The following MARK3 variants were observed in gnomAD, a reference collection of about 807,000 sequenced individuals.
The protein encoded by MARK3 is MAP/microtubule affinity-regulating kinase 3.
MARK3 carries 46 observed loss-of-function variants against 90.1 expected under a neutral mutation model. That is an observed-to-expected ratio of 0.51 (90% CI 0.40 to 0.65). The LOEUF (loss-of-function observed/expected upper bound fraction) is 0.65, where lower values mean the gene tolerates loss of function less well. MARK3 is among the 30% of genes least tolerant of loss of function. The probability of loss-of-function intolerance (pLI) is 0.00; values close to 1 mark genes in which losing one functional copy is unlikely to be tolerated. For synonymous variants in MARK3, 321 were observed against 332.6 expected (o/e 0.97, Z 0.38); for missense variants, 818 against 947.2 (o/e 0.86, Z 1.79).
rs113395244 is a variant in MARK3, at chr14:103,412,606, G to A, written c.243+7339G>A. The A allele has an allele frequency of 2.0e-4, 198 of 971,960 alleles. 2 individuals carry two copies. The highest frequency in any genetic ancestry group is 6.4e-4 in the East Asian group (18 of 28,136). The allele number at this position is 971,960 out of a possible 1,614,324, so 60.2% of individuals were successfully genotyped here. A position where few individuals can be genotyped will look rare whatever the true frequency, so the allele number is the denominator to read the frequency against. On this transcript the variant is annotated intron_variant, in intron 2 of 17. Transcript: ENST00000429436. ...GACAGGGAGTGGACTTAAGCCTGAC[G>A]GTGCCCGAGAAGCGCTTGTCCTTCT...
chr14:103,451,666 C>T (rs1456407715), intron 4 of MARK3, among the ~76,000 whole-genome samples: 1 of 152,186 alleles, frequency 6.6e-6, no homozygotes, highest in Non-Finnish European at 1.5e-5. Context: ...GTACACCTTG[C>T]TGGACTGCTG....
chr14:103,446,676 A>G (rs2093002889), intron 3 of MARK3, among the ~76,000 whole-genome samples: 2 of 145,340 alleles, frequency 1.4e-5, no homozygotes, highest in Admixed American at 1.4e-4. Context: ...ATCCTGAGCT[A>G]TATTGATATG....
In MARK3 at chr14:103,418,938, C is replaced by T. The variant is rs2092080857; in HGVS notation, c.244-9449C>T. 3.3e-5 allele frequency among the ~76,000 whole-genome samples: 5 copies of T among 152,148 alleles called. No individual in the cohort carries two copies. The South Asian group carries it at 1.0e-3, about 31-fold the overall frequency. ...AATTGTTCATTTCAGTGGTTGTGTA[C>T]AATGCCATTGATGAGAACAGCAGTT... is the stretch of plus-strand genomic sequence containing the variant. On this transcript the variant is annotated intron_variant, in intron 2 of 17. Transcript: ENST00000429436.
Position 103,465,837 on chromosome 14 carries a change from T to C in MARK3, c.777+44T>C, listed in dbSNP as rs762265615. 7 of 1,564,154 alleles carry C rather than the reference T, an allele frequency of 4.5e-6. No individual in the cohort carries two copies. The African/African-American group carries it at 9.6e-5, about 21-fold the overall frequency. ...ATGTACTTCACTAAACTAAAAGAAG[T>C]TTCCTAATATTACATGGCTTAATAT... On this transcript the variant is annotated intron_variant, in intron 8 of 17. Transcript: ENST00000429436.
chr14:103,492,270 G>A (rs2094029679), intron 15 of MARK3, among the ~76,000 whole-genome samples: 1 of 152,058 alleles, frequency 6.6e-6, no homozygotes, highest in African/African-American at 2.4e-5. Context: ...TTTTGTTACT[G>A]TTCTTTAATT....
intron 15 of MARK3, among the ~76,000 whole-genome samples, chr14:103,493,240 CTTTTTTTTTTTTTTTTAA>C (rs1448231294): frequency 5.7e-5 from 7 of 123,160 alleles, no homozygotes; most frequent in Non-Finnish European, 9.6e-5. Context: ...GGGAGTATTC[CTTTTTTTTTTTTTTTTAA>C]TTTTTTTTTT....
chr14:103,439,918 G>A (rs2092809506), intron 3 of MARK3, among the ~76,000 whole-genome samples: 1 of 151,612 alleles, frequency 6.6e-6, no homozygotes, highest in South Asian at 2.1e-4. Flanking sequence ...CAAAGTATCT[G>A]GGATTACAGG....
At chr14:103,476,651 C>G (rs2141791365) in intron 13 of MARK3, among the ~76,000 whole-genome samples, 1 of 152,106 alleles carries the variant, frequency 6.6e-6, no homozygotes, top group East Asian at 1.9e-4. Context: ...CACGTTTTTC[C>G]CTACAAAATT....
intron 16 of MARK3, 127 bp from the exon 17 acceptor site, chr14:103,500,027 GGT>G (rs1388879769): frequency 1.4e-6 from 1 of 732,274 alleles, no homozygotes; most frequent in South Asian, 1.5e-5. Context: ...AAGCCCGGCT[GGT>G]GTTTAAAACG....
chr14:103,387,040 A>G (rs1364463001), intron 1 of MARK3, among the ~76,000 whole-genome samples: 1 of 152,242 alleles, frequency 6.6e-6, no homozygotes, highest in Non-Finnish European at 1.5e-5. Flanking sequence ...TCTGTAAAAC[A>G]TCTAGTAAAT....
intron 4 of MARK3, 110 bp downstream of exon 4, chr14:103,449,077 A>G (rs1316756751): frequency 4.2e-6 from 5 of 1,187,284 alleles, no homozygotes; most frequent in Non-Finnish European, 5.9e-6. Flanking sequence ...AGTAAAATAT[A>G]TATACAAGTT....
rs758716368 is a variant in MARK3, at chr14:103,454,150, C to T, written c.412+2167C>T. Among the ~76,000 whole-genome samples, 8 of 152,130 alleles carry T rather than the reference C, an allele frequency of 5.3e-5. No homozygotes were observed. In the East Asian group the frequency reaches 5.8e-4, roughly 11 times the overall value. ...GTAACATGTGCTGAGCTGAGCTTCACGGTGAGCATAGGAACCCCCTCTGAG... is the reference window on the plus strand; with the variant it reads ...GTAACATGTGCTGAGCTGAGCTTCATGGTGAGCATAGGAACCCCCTCTGAG... On this transcript the variant is annotated intron_variant, in intron 5 of 17. Transcript: ENST00000429436.
intron 2 of MARK3, among the ~76,000 whole-genome samples, chr14:103,413,791 G>A (rs1433058861): frequency 1.3e-5 from 2 of 151,902 alleles, no homozygotes; most frequent in African/African-American, 4.8e-5. Flanking sequence ...AAATAAAATG[G>A]GATCATATGG....
intron 15 of MARK3, among the ~76,000 whole-genome samples, chr14:103,492,688 TC>T (rs1268067656): frequency 5.3e-5 from 8 of 152,218 alleles, no homozygotes; most frequent in African/African-American, 1.9e-4. Context: ...TTTAAAATGT[TC>T]CATGTGTCTA....
intron 14 of MARK3, among the ~76,000 whole-genome samples, chr14:103,486,029 G>A (rs865898069): frequency 2.6e-4 from 40 of 152,030 alleles, no homozygotes; most frequent in African/African-American, 6.8e-4. Context: ...GATGGCTCAC[G>A]CCACCATGTA....
Position 103,478,689 on chromosome 14 carries a change from G to A in MARK3, c.1483-1698G>A, listed in dbSNP as rs371993718. On this transcript the variant is annotated intron_variant, in intron 13 of 17. Coordinates refer to ENST00000429436, the MANE Select transcript of MARK3 (RefSeq NM_001128918.3). ...TGAGTAGCTGGGATTACAGGCGTGC[G>A]CCACCATGCCTGGATAATTTTGTAT... Among the ~76,000 whole-genome samples, 320 of 152,132 alleles carry A rather than the reference G, an allele frequency of 2.1e-3. 1 individual carries two copies. Among genetic ancestry groups the A allele is most frequent in the South Asian group, 0.011 (55 of 4,826 alleles).
intron 1 of MARK3, chr14:103,386,371 G>T (rs1448585131): frequency 1.5e-6 from 1 of 677,634 alleles, no homozygotes; most frequent in South Asian, 1.5e-5. Flanking sequence ...AGGTTGCCGC[G>T]CAATGGATTG....
At chr14:103,444,632 C>T (rs1271184006) in intron 3 of MARK3, among the ~76,000 whole-genome samples, 1 of 152,110 alleles carries the variant, frequency 6.6e-6, no homozygotes, top group Non-Finnish European at 1.5e-5. Context: ...CAAAAATTAG[C>T]TGGACATGAT....
At chr14:103,444,901 C>T (rs2092955535) in intron 3 of MARK3, among the ~76,000 whole-genome samples, 1 of 152,168 alleles carries the variant, frequency 6.6e-6, no homozygotes, top group South Asian at 2.1e-4. Flanking sequence ...ATTTGCCTTT[C>T]AGTACATTAT....
Sources: allele counts gnomAD v4.1 joint callset (sites outside exome capture counted in the v4.1 genomes callset), GRCh38; gene constraint gnomAD v4.1.1; transcripts MANE v1.5; gene names NCBI Gene and HGNC (gene_info 2026-07-23, HGNC 2026-07-21).